The following PDE4D variants were observed in gnomAD, a reference collection of about 807,000 sequenced individuals.
The protein encoded by PDE4D is phosphodiesterase 4D, also known as 3',5'-cyclic-AMP phosphodiesterase 4D.
Under a neutral mutation model 87.4 loss-of-function variants are expected in PDE4D, and 24 were observed. The observed-to-expected ratio is 0.27, with a 90% CI of 0.20 to 0.39. The LOEUF (loss-of-function observed/expected upper bound fraction) is 0.39. PDE4D is among the 10% of genes least tolerant of loss of function. The probability of loss-of-function intolerance (pLI) is 1.00; values close to 1 mark genes in which losing one functional copy is unlikely to be tolerated. For synonymous variants in PDE4D, 384 were observed against 383.2 expected (o/e 1.00, Z -0.02); for missense variants, 714 against 1,041.0 (o/e 0.69, Z 4.32).
intron 3 of PDE4D, among the ~76,000 whole-genome samples, chr5:59,926,115 C>A (rs955786682): frequency 1.3e-5 from 2 of 151,758 alleles, no homozygotes; most frequent in Non-Finnish European, 2.9e-5. Flanking sequence ...ACATGTTAGG[C>A]CACAAAATAA....
At chr5:59,051,370 AAAC>A (rs1258694758) in intron 5 of PDE4D, among the ~76,000 whole-genome samples, 2 of 152,206 alleles carry the variant, frequency 1.3e-5, no homozygotes, top group Non-Finnish European at 2.9e-5. Context: ...AAAAACAAAC[AAAC>A]AACAAAATAG....
chr5:59,804,365 T>C (rs1450944144), intron 1 of PDE4D, among the ~76,000 whole-genome samples: 1 of 152,244 alleles, frequency 6.6e-6, no homozygotes, highest in Non-Finnish European at 1.5e-5. Flanking sequence ...TTTCTTTTTA[T>C]GACTGAGTAG....
At chr5:60,251,731 T>C (rs956018917) in intron 1 of PDE4D, among the ~76,000 whole-genome samples, 4 of 151,922 alleles carry the variant, frequency 2.6e-5, no homozygotes, top group Non-Finnish European at 5.9e-5. Flanking sequence ...GGGTATATAC[T>C]CAGTAATAGG....
chr5:60,508,883 CTTTT>C (rs1433657893), intron 1 of PDE4D, among the ~76,000 whole-genome samples: 2 of 149,576 alleles, frequency 1.3e-5, no homozygotes, highest in Non-Finnish European at 3.0e-5. Context: ...TTCTTTCTTT[CTTTT>C]CTTTTATTTA....
chr5:59,715,992 G>A (rs1364602391), intron 1 of PDE4D, among the ~76,000 whole-genome samples: 1 of 152,116 alleles, frequency 6.6e-6, no homozygotes, highest in African/African-American at 2.4e-5. Context: ...TGTGTGTCCA[G>A]GGCCTTTGTC....
Position 59,434,845 on chromosome 5 carries a change from T to C in PDE4D, c.456-218877A>G, listed in dbSNP as rs116540897. Reference sequence around the variant, plus strand: ...TGAATACTATTGATAGTAACAATAATATTAATAGTCAATAGATAATAGCTA... The same window carrying C: ...TGAATACTATTGATAGTAACAATAACATTAATAGTCAATAGATAATAGCTA... On this transcript the variant is annotated intron_variant, in intron 1 of 14. Transcript: ENST00000340635. 6.5e-3 allele frequency among the ~76,000 whole-genome samples: 992 copies of C among 152,240 alleles called. 13 individuals are homozygous for C. The highest frequency in any genetic ancestry group is 0.022 in the African/African-American group (904 of 41,562).
At chr5:59,873,036 C>G (rs1341511132) in intron 1 of PDE4D, among the ~76,000 whole-genome samples, 1 of 152,124 alleles carries the variant, frequency 6.6e-6, no homozygotes, top group Non-Finnish European at 1.5e-5. Flanking sequence ...GTGAAAGGTA[C>G]CTTTCTGGGG....
At chr5:59,447,818 T>G (rs762771412) in intron 1 of PDE4D, among the ~76,000 whole-genome samples, 3 of 152,236 alleles carry the variant, frequency 2.0e-5, no homozygotes, top group Non-Finnish European at 4.4e-5. Context: ...CAATGGCATG[T>G]GCATGGAAGA....
At chr5:59,281,433 C>A (rs562509324) in intron 1 of PDE4D, among the ~76,000 whole-genome samples, 1 of 152,160 alleles carries the variant, frequency 6.6e-6, no homozygotes, top group South Asian at 2.1e-4. Context: ...TCTATAAGTT[C>A]TACTTTAAAA....
At chr5:59,092,750 CAAAT>C (rs1768965781) in intron 5 of PDE4D, among the ~76,000 whole-genome samples, 1 of 152,176 alleles carries the variant, frequency 6.6e-6, no homozygotes, top group African/African-American at 2.4e-5. Flanking sequence ...TACAAAAACA[CAAAT>C]AAATAATCCA....
At chr5:60,394,048 T>A (rs2150032270) in intron 1 of PDE4D, among the ~76,000 whole-genome samples, 1 of 152,344 alleles carries the variant, frequency 6.6e-6, no homozygotes, top group South Asian at 2.1e-4. Flanking sequence ...AAAGCTCTAA[T>A]TAGCAAAAGA....
rs79077398 is a variant in PDE4D at position 59,175,450 on chromosome 5, G to A, written c.808+5145C>T. ...CTTGGTGAGTTCCTCATCACATTCG[G>A]AACTCTATCCATTTTTCTTTCTTTT... On this transcript the variant is annotated intron_variant, in intron 5 of 14. Transcript: ENST00000340635. 7.5e-3 allele frequency among the ~76,000 whole-genome samples: 1,112 copies of A among 147,864 alleles called. 15 individuals carry two copies. Among genetic ancestry groups the A allele is most frequent in the Non-Finnish European group, 8.8e-3 (594 of 67,280 alleles).
chr5:59,504,352 A>C (rs1281193326), intron 1 of PDE4D, among the ~76,000 whole-genome samples: 1 of 152,198 alleles, frequency 6.6e-6, no homozygotes, highest in East Asian at 1.9e-4. Context: ...ATTTTGAGTA[A>C]TTTGAAGGAA....
intron 2 of PDE4D, among the ~76,000 whole-genome samples, chr5:60,004,754 A>G (rs1217890157): frequency 6.6e-6 from 1 of 152,198 alleles, no homozygotes; most frequent in East Asian, 1.9e-4. Context: ...GGAAATGTAC[A>G]TCAAAACCAC....
At chr5:60,325,530 G>A (rs373979499) in intron 1 of PDE4D, among the ~76,000 whole-genome samples, 89 of 152,052 alleles carry the variant, frequency 5.9e-4, no homozygotes, top group African/African-American at 1.9e-3. Flanking sequence ...GAAACGGATG[G>A]GTAACTGTTT....
At chr5:59,652,009 A>G (rs540801101) in intron 1 of PDE4D, among the ~76,000 whole-genome samples, 1 of 152,324 alleles carries the variant, frequency 6.6e-6, no homozygotes, top group African/African-American at 2.4e-5. Context: ...CTCTCACCCG[A>G]ATTTAGGACA....
chr5:59,303,003 A>C (rs1418633047), intron 1 of PDE4D, among the ~76,000 whole-genome samples: 1 of 152,208 alleles, frequency 6.6e-6, no homozygotes, highest in East Asian at 1.9e-4. Flanking sequence ...TCCCACCAGC[A>C]GTGTAGAAGT....
chr5:59,969,610 A>G (rs769411759), intron 3 of PDE4D, among the ~76,000 whole-genome samples: 9 of 152,128 alleles, frequency 5.9e-5, no homozygotes, highest in Non-Finnish European at 8.8e-5. Flanking sequence ...TTTGAATTGT[A>G]GTTCTCATAA....
At chr5:59,836,642 C>CTATCTATCTATA (rs1554095479) in intron 1 of PDE4D, among the ~76,000 whole-genome samples, 2,700 of 148,954 alleles carry the variant, frequency 0.018, 81 homozygotes, top group African/African-American at 0.059. Context: ...ATCTATCTAT[C>CTATCTATCTATA]TATCTATCTA....
Sources: allele counts gnomAD v4.1 joint callset (sites outside exome capture counted in the v4.1 genomes callset), GRCh38; gene constraint gnomAD v4.1.1; transcripts MANE v1.5; gene names NCBI Gene and HGNC (gene_info 2026-07-23, HGNC 2026-07-21).